The following TENM4 variants were observed in gnomAD, a reference collection of about 807,000 sequenced individuals.
TENM4 encodes teneurin transmembrane protein 4.
TENM4 carries 82 observed loss-of-function variants against 243.3 expected under a neutral mutation model. The observed-to-expected ratio is 0.34, with a 90% confidence interval of 0.28 to 0.40. The LOEUF (loss-of-function observed/expected upper bound fraction) is 0.40. TENM4 is among the 10% of genes least tolerant of loss of function. The pLI is 1.00. For missense variants in TENM4, 3,138 were observed against 3,673.3 expected (o/e 0.85, Z 3.77); for synonymous variants, 1,412 against 1,456.3 (o/e 0.97, Z 0.69).
intron 6 of TENM4, among the ~76,000 whole-genome samples, chr11:78,966,736 C>T (rs1381856358): frequency 6.6e-6 from 1 of 152,152 alleles, no homozygotes; most frequent in Non-Finnish European, 1.5e-5. Context: ...CTAAAGCCTT[C>T]ATCCTTCACC....
In TENM4 at chr11:79,133,255, G is replaced by A. The variant is rs541256106; in HGVS notation, c.-66+15455C>T. 2.0e-3 allele frequency among the ~76,000 whole-genome samples: 311 copies of A among 152,202 alleles called. 1 individual carries two copies. The highest frequency in any genetic ancestry group is 7.3e-3 in the African/African-American group (303 of 41,554). ...CACTTAAACTAGAAAACCTAGAAGAGATAAATAAATTCCTGGAAAAATGCA... is the reference window on the plus strand; with the variant it reads ...CACTTAAACTAGAAAACCTAGAAGAAATAAATAAATTCCTGGAAAAATGCA... On this transcript the variant is annotated intron_variant, in intron 4 of 33. Transcript: ENST00000278550.
In TENM4 at chr11:78,980,282, T is replaced by A. The variant is rs139679890; in HGVS notation, c.494-76759A>T. Among the ~76,000 whole-genome samples, 893 of 152,330 alleles carry A rather than the reference T, an allele frequency of 5.9e-3. 5 individuals carry two copies. Among genetic ancestry groups the A allele is most frequent in the Non-Finnish European group, 9.2e-3 (627 of 68,036 alleles). On this transcript the variant is annotated intron_variant, in intron 6 of 33. Transcript: ENST00000278550. ...GTATAGACATGCATCCATTTTTAATTGTCACAGCAATCTTAAGAGGTAGGG... is the reference window on the plus strand; with the variant it reads ...GTATAGACATGCATCCATTTTTAATAGTCACAGCAATCTTAAGAGGTAGGG...
At chr11:79,270,299 C>T (rs1427088647) in intron 2 of TENM4, among the ~76,000 whole-genome samples, 1 of 152,162 alleles carries the variant, frequency 6.6e-6, no homozygotes, top group Non-Finnish European at 1.5e-5. Context: ...CAAAATGATC[C>T]CCAGTGATTT....
intron 7 of TENM4, among the ~76,000 whole-genome samples, chr11:78,901,586 A>C (rs532555273): frequency 6.6e-6 from 1 of 152,318 alleles, no homozygotes; most frequent in East Asian, 1.9e-4. Flanking sequence ...TAAGTGGGAA[A>C]GATGAACATC....
At chr11:79,085,715 T>G (rs1475826699) in intron 4 of TENM4, among the ~76,000 whole-genome samples, 1 of 149,654 alleles carries the variant, frequency 6.7e-6, no homozygotes, top group African/African-American at 2.5e-5. Context: ...TCCTGGCCAT[T>G]CTTCTCTGAA....
chr11:78,675,321 T>A (rs770328175), intron 30 of TENM4, among the ~76,000 whole-genome samples: 1 of 152,240 alleles, frequency 6.6e-6, no homozygotes, highest in Non-Finnish European at 1.5e-5. Flanking sequence ...TGTGTTGCTA[T>A]GAGGATGCTT....
At chr11:79,054,447 T>C (rs1378637934) in intron 6 of TENM4, among the ~76,000 whole-genome samples, 1 of 151,914 alleles carries the variant, frequency 6.6e-6, no homozygotes, top group Non-Finnish European at 1.5e-5. Context: ...AGCTAAGGGG[T>C]CCTTGAAGGA....
intron 2 of TENM4, among the ~76,000 whole-genome samples, chr11:79,284,699 T>C (rs577022783): frequency 3.9e-5 from 6 of 152,146 alleles, no homozygotes; most frequent in East Asian, 1.9e-4. Context: ...TGTAGATACA[T>C]TGGACTCTTT....
In TENM4 at chr11:78,669,466, G is replaced by A. The variant is rs568201989; in HGVS notation, c.6879C>T (p.Tyr2293=). The A allele has an allele frequency of 3.7e-5, 59 of 1,613,496 alleles. 1 individual carries two copies. Among genetic ancestry groups the A allele is most frequent in the South Asian group, 1.4e-4 (13 of 91,044 alleles). The part of the protein sequence containing the change: ...RAGSWSVRYR[Y]DGLGRRVSSK... The stretch of plus-strand genomic sequence containing the variant: ...TGGACACGCGCCGCCCCAGGCCATC[G>A]TAGCGGTACCTGACACTCCAGCTGC... The change falls in exon 32 of 34, where the codon TAC becomes TAT. Residue 2293 remains tyrosine, a synonymous_variant. Transcript: ENST00000278550. This position sits in a 1 kb window ranked among gnomAD's most constrained non-coding sequence, Gnocchi z 6.4.
At chr11:79,404,555 G>A (rs1372591158) in intron 1 of TENM4, among the ~76,000 whole-genome samples, 1 of 152,190 alleles carries the variant, frequency 6.6e-6, no homozygotes, top group African/African-American at 2.4e-5. Context: ...CACTGTGAAT[G>A]TTTTAAACAC....
intron 15 of TENM4, among the ~76,000 whole-genome samples, chr11:78,801,014 T>C (rs1857270113): frequency 6.6e-6 from 1 of 152,196 alleles, no homozygotes. Flanking sequence ...CTTAGTTCAG[T>C]GCCTGGTACA....
chr11:79,289,525 C>T (rs74428432), intron 2 of TENM4, among the ~76,000 whole-genome samples: 165 of 152,358 alleles, frequency 1.1e-3, no homozygotes, highest in African/African-American at 3.7e-3. Flanking sequence ...CAATGTGAGA[C>T]ATCTGAAGAC....
chr11:79,373,953 T>C (rs1013548190), intron 1 of TENM4, among the ~76,000 whole-genome samples: 11 of 152,010 alleles, frequency 7.2e-5, no homozygotes, highest in South Asian at 2.1e-4. Context: ...TCCAGGACAA[T>C]TGGGGTGAGG....
chr11:79,027,240 G>A (rs1490761959), intron 6 of TENM4, among the ~76,000 whole-genome samples: 1 of 152,204 alleles, frequency 6.6e-6, no homozygotes, highest in African/African-American at 2.4e-5. Context: ...TGAAACCACA[G>A]AGGGCTAGCA....
At position 78,669,643 on chromosome 11, in the gene TENM4, G is replaced by A; in HGVS notation, c.6702C>T (p.Leu2234=). 6.2e-7 allele frequency: 1 copy of A among 1,614,016 alleles called. No homozygotes were observed. The highest frequency in any genetic ancestry group is 8.5e-7 in the Non-Finnish European group (1 of 1,179,900). Residue 2234 remains leucine (L), a synonymous_variant, in exon 32 of 34, where the codon CTC becomes CTT. Coordinates refer to ENST00000278550, the MANE Select transcript of TENM4 (RefSeq NM_001098816.3). This position sits in a 1 kb window ranked among gnomAD's most constrained non-coding sequence, Gnocchi z 6.4. ...CGCGGATGTCATACCGTAGTGGTGT[G>A]AGCCGTGCACTGTTCCCAGGGCTCA... is the stretch of plus-strand genomic sequence containing the variant. ...HLLSPGNSAR[L]TPLRYDIRDR...
At chr11:78,748,488 G>C (rs1238669848) in intron 19 of TENM4, among the ~76,000 whole-genome samples, 5 of 152,180 alleles carry the variant, frequency 3.3e-5, no homozygotes, top group Non-Finnish European at 7.3e-5. Flanking sequence ...AGGGCCAGGT[G>C]GGGTGCTAGG....
At chr11:78,789,063 A>G (rs1856999137) in intron 15 of TENM4, among the ~76,000 whole-genome samples, 1 of 152,220 alleles carries the variant, frequency 6.6e-6, no homozygotes, top group African/African-American at 2.4e-5. Flanking sequence ...TCATCAGACT[A>G]GGAACCCGAG....
chr11:79,305,148 A>C (rs1231976278), intron 1 of TENM4, among the ~76,000 whole-genome samples: 1 of 152,198 alleles, frequency 6.6e-6, no homozygotes, highest in African/African-American at 2.4e-5. Flanking sequence ...GAAGAGTGAA[A>C]AGAGCATGGG....
At chr11:79,366,896 G>T (rs903789289) in intron 1 of TENM4, among the ~76,000 whole-genome samples, 1 of 152,120 alleles carries the variant, frequency 6.6e-6, no homozygotes, top group African/African-American at 2.4e-5. Context: ...TTATAGCTCT[G>T]CCAGAAGGCT....
Sources: allele counts gnomAD v4.1 joint callset (sites outside exome capture counted in the v4.1 genomes callset), GRCh38; gene constraint gnomAD v4.1.1; non-coding constraint Gnocchi (gnomAD v3.1); transcripts MANE v1.5; gene names NCBI Gene and HGNC (gene_info 2026-07-23, HGNC 2026-07-21).